Variants in SYT2 observed in about 807,000 individuals in gnomAD.
The protein encoded by SYT2 is synaptotagmin 2.
A neutral mutation model predicts 39.9 loss-of-function variants in SYT2; 15 were observed. The ratio of observed to expected loss-of-function variants is 0.38; its 90% CI spans 0.25 to 0.58. The LOEUF is 0.58. SYT2 is among the 20% of genes least tolerant of loss of function. SYT2 has a pLI of 0.70. For synonymous variants in SYT2, 181 were observed against 204.5 expected, an observed-to-expected ratio of 0.89 and a Z score of 0.98; for missense variants, 389 against 530.3, an observed-to-expected ratio of 0.73 and a Z score of 2.62.
intron 6 of SYT2, among the ~76,000 whole-genome samples, chr1:202,600,682 C>T (rs979668127): frequency 3.3e-5 from 5 of 152,206 alleles, no homozygotes; most frequent in African/African-American, 1.2e-4. Context: ...CTGAAAGTGA[C>T]AGGTTGGGAC....
chr1:202,689,560 T>A (rs1412995843), intron 1 of SYT2, among the ~76,000 whole-genome samples: 1 of 152,116 alleles, frequency 6.6e-6, no homozygotes, highest in African/African-American at 2.4e-5. Flanking sequence ...TCACTAGCCG[T>A]GTGACCTCAG....
intron 1 of SYT2, among the ~76,000 whole-genome samples, chr1:202,641,113 G>A (rs1226453396): frequency 2.0e-5 from 3 of 152,170 alleles, no homozygotes; most frequent in Non-Finnish European, 2.9e-5. Context: ...AGTAACTGAA[G>A]CTCTAAGATA....
At position 202,614,271 on chromosome 1, in the gene SYT2, AG is replaced by A. The variant is rs1690966344; in HGVS notation, c.-17-8483del. 6.6e-6 allele frequency among the ~76,000 whole-genome samples: 1 copy of A among 152,206 alleles called. No individual in the cohort carries two copies. Among genetic ancestry groups the A allele is most frequent in the African/African-American group, 2.4e-5 (1 of 41,456 alleles). On this transcript the variant is annotated intron_variant, in intron 1 of 8. Transcript: ENST00000367268. The surrounding 1 kb of genome is among the most constrained non-coding windows in gnomAD (Gnocchi z 4.0). ...CTCAGGAGTGTTGGAGTCCCAGAAA[AG>A]GAGATTAGACTTCCCTCTATACCCA...
rs566367293 is a variant in SYT2 at position 202,610,081 on chromosome 1, A to G, written c.-17-4292T>C. 5.3e-3 allele frequency among the ~76,000 whole-genome samples: 803 copies of G among 152,204 alleles called. 5 individuals are homozygous for G. The highest frequency in any genetic ancestry group is 0.018 in the African/African-American group (757 of 41,556). On this transcript the variant is annotated intron_variant, in intron 1 of 8. Coordinates refer to ENST00000367268, the MANE Select transcript of SYT2 (RefSeq NM_177402.5). ...TTTTTGTATAAGGTGTAAGGAAGGG[A>G]TCCAGTTTCAGCTTTCTACATATGG...
chr1:202,629,694 C>A (rs1209196011), intron 1 of SYT2, among the ~76,000 whole-genome samples: 1 of 152,130 alleles, frequency 6.6e-6, no homozygotes, highest in African/African-American at 2.4e-5. Context: ...CACAGTGAAA[C>A]CCCATCTCTA....
chr1:202,681,126 A>G (rs1246924784), intron 1 of SYT2, among the ~76,000 whole-genome samples: 3 of 151,824 alleles, frequency 2.0e-5, no homozygotes, highest in Non-Finnish European at 2.9e-5. Context: ...GGTCTCACCT[A>G]GATCAAGCCA....
intron 2 of SYT2, chr1:202,604,943 G>A: frequency 7.5e-6 from 2 of 266,558 alleles, no homozygotes; most frequent in Non-Finnish European, 1.4e-5. Context: ...TTACTAGTGT[G>A]ATCTATGGAG....
intron 1 of SYT2, among the ~76,000 whole-genome samples, chr1:202,684,416 A>T (rs1653607169): frequency 6.6e-6 from 1 of 151,462 alleles, no homozygotes; most frequent in Non-Finnish European, 1.5e-5. Flanking sequence ...GGCTTATTTC[A>T]GTTAACATAA....
intron 1 of SYT2, among the ~76,000 whole-genome samples, chr1:202,648,371 G>A (rs1692130829): frequency 6.6e-6 from 1 of 152,122 alleles, no homozygotes. Context: ...TACTAGAGAT[G>A]GGATTTCACC....
At chr1:202,652,378 GTTC>G (rs1692210158) in intron 1 of SYT2, among the ~76,000 whole-genome samples, 1 of 152,234 alleles carries the variant, frequency 6.6e-6, no homozygotes, top group Admixed American at 6.5e-5. Flanking sequence ...TGTCTTCACT[GTTC>G]TTCATCTCTC....
chr1:202,667,209 A>AG (rs1692495048), intron 1 of SYT2, among the ~76,000 whole-genome samples: 1 of 152,050 alleles, frequency 6.6e-6, no homozygotes, highest in Non-Finnish European at 1.5e-5. Context: ...GAGGAAAAAA[A>AG]GGAGGAGGTG....
intron 1 of SYT2, among the ~76,000 whole-genome samples, chr1:202,695,451 C>T (rs1248409312): frequency 6.6e-6 from 1 of 152,158 alleles, no homozygotes; most frequent in African/African-American, 2.4e-5. Flanking sequence ...CCTTACCCTC[C>T]AAACCCAGCC....
intron 1 of SYT2, among the ~76,000 whole-genome samples, chr1:202,705,338 C>T (rs751430551): frequency 3.3e-4 from 50 of 152,376 alleles, no homozygotes; most frequent in Non-Finnish European, 4.3e-4. Context: ...GCTCTATCCC[C>T]GAGCAGGGGA....
intron 1 of SYT2, among the ~76,000 whole-genome samples, chr1:202,699,110 C>A (rs1254573169): frequency 1.3e-5 from 2 of 148,762 alleles, no homozygotes; most frequent in Non-Finnish European, 3.0e-5. Context: ...GCAGCCTCAA[C>A]TTCCTGGGCT....
At chr1:202,645,072 G>A (rs1692051790) in intron 1 of SYT2, among the ~76,000 whole-genome samples, 1 of 152,184 alleles carries the variant, frequency 6.6e-6, no homozygotes, top group Non-Finnish European at 1.5e-5. Context: ...GTGTGTTCAT[G>A]TGTGGGCTGG....
intron 2 of SYT2, 35 bp downstream of exon 2, chr1:202,605,560 C>T (rs1285467701): frequency 1.3e-6 from 2 of 1,599,456 alleles, no homozygotes. Flanking sequence ...AGACTCTAGC[C>T]TTGCCCCACC....
In SYT2 at chr1:202,600,352, C is replaced by T. The variant is rs752537599; in HGVS notation, c.919+5G>A. ...CCCAATGGCAGCCAGAAGCTCTCCACGTACCTGAAAGGCCGCCCACGTCCA... is the reference window on the plus strand; with the variant it reads ...CCCAATGGCAGCCAGAAGCTCTCCATGTACCTGAAAGGCCGCCCACGTCCA... On this transcript the variant is annotated splice_donor_5th_base_variant and intron_variant, in intron 7 of 8. Transcript: ENST00000367268. 8.7e-5 allele frequency: 140 copies of T among 1,613,192 alleles called. No homozygotes were observed. Among genetic ancestry groups the T allele is most frequent in the Non-Finnish European group, 1.1e-4 (125 of 1,179,334 alleles).
chr1:202,600,473 G>A lies in SYT2; in HGVS notation c.803C>T (p.Pro268Leu), dbSNP rs776179209. Residue 268 changes from proline to leucine, a missense_variant and splice_region_variant, in exon 7 of 9, where the codon CCG becomes CTG. This residue lies in a region of SYT2 where 280 missense variants were observed against 335.6 expected (regional missense o/e 0.83). Coordinates refer to ENST00000367268, the MANE Select transcript of SYT2 (RefSeq NM_177402.5). The stretch of plus-strand genomic sequence containing the variant: ...GGTGCAGATGTCGCCCAGCTTCTCC[G>A]GCTGTCCAGGGGAAGAGCAGGACTT... ...RDLQGGEKEE[P>L]EKLGDICTSL... The A allele has an allele frequency of 4.5e-5, 72 of 1,613,876 alleles. No homozygotes were observed. Among genetic ancestry groups the A allele is most frequent in the East Asian group, 1.6e-4 (7 of 44,896 alleles).
chr1:202,643,117 G>T (rs551010416), intron 1 of SYT2, among the ~76,000 whole-genome samples: 1 of 152,346 alleles, frequency 6.6e-6, no homozygotes, highest in East Asian at 1.9e-4. Flanking sequence ...AGTTTACCCC[G>T]CAGTGAGCAC....
Sources: allele counts gnomAD v4.1 joint callset (sites outside exome capture counted in the v4.1 genomes callset), GRCh38; gene constraint gnomAD v4.1.1; regional missense constraint gnomAD v4.1.1; non-coding constraint Gnocchi (gnomAD v3.1); transcripts MANE v1.5; gene names NCBI Gene and HGNC (gene_info 2026-07-23, HGNC 2026-07-21).